Variants in ENO4 observed in about 807,000 individuals in gnomAD.
ENO4 encodes enolase 4, also known as 2-phospho-D-glycerate hydro-lyase.
In ENO4, 53 loss-of-function variants were observed where a neutral mutation model predicts 63.2. The ratio of observed to expected loss-of-function variants is 0.84; its 90% CI spans 0.67 to 1.05. The LOEUF (loss-of-function observed/expected upper bound fraction) is 1.05, where lower values mean the gene tolerates loss of function less well. Ranked by LOEUF, ENO4 falls within the 50% of genes least tolerant of loss-of-function variation. The pLI is 0.00. For synonymous variants in ENO4, 266 were observed against 283.8 expected (o/e 0.94, Z 0.63); for missense variants, 719 against 772.0 (o/e 0.93, Z 0.81).
At chr10:116,905,951 C>T (rs1847952573) in intron 10 of ENO4, among the ~76,000 whole-genome samples, 1 of 152,188 alleles carries the variant, frequency 6.6e-6, no homozygotes, top group African/African-American at 2.4e-5. Flanking sequence ...ACTGTGAGCT[C>T]CAGACTCGCT....
downstream of ENO4, chr10:116,911,960 A>G (rs2133348212): frequency 4.1e-6 from 3 of 728,490 alleles, no homozygotes; most frequent in Non-Finnish European, 7.1e-6. Context: ...ATGACTATAT[A>G]TATTTTTAAA....
intron 10 of ENO4, among the ~76,000 whole-genome samples, chr10:116,896,995 T>G (rs995513269): frequency 6.6e-6 from 1 of 152,028 alleles, no homozygotes; most frequent in Non-Finnish European, 1.5e-5. Context: ...TTAGTAGAGA[T>G]AGGGTTTTGC....
intron 10 of ENO4, among the ~76,000 whole-genome samples, chr10:116,887,750 C>T (rs1466509089): frequency 6.6e-6 from 1 of 152,174 alleles, no homozygotes; most frequent in Non-Finnish European, 1.5e-5. Context: ...GCTTTACTCA[C>T]AATTCTATCC....
chr10:116,885,808 GCTC>G (rs548259186), downstream of ENO4: 351 of 154,274 alleles, frequency 2.3e-3, 1 homozygote, highest in Non-Finnish European at 4.2e-3. Context: ...TTTGATGCCA[GCTC>G]CTGAGTTTTC....
intron 13 of ENO4, among the ~76,000 whole-genome samples, chr10:116,881,009 G>A (rs918264450): frequency 3.3e-5 from 5 of 152,174 alleles, no homozygotes; most frequent in African/African-American, 7.2e-5. Flanking sequence ...ACTGGCCTTG[G>A]TGAATCACTA....
At chr10:116,902,686 T>G (rs1847793762) in intron 10 of ENO4, among the ~76,000 whole-genome samples, 1 of 152,226 alleles carries the variant, frequency 6.6e-6, no homozygotes, top group African/African-American at 2.4e-5. Flanking sequence ...TCTCAAAGCA[T>G]GATTCTAGTA....
chr10:116,897,921 C>T (rs1230800317), intron 10 of ENO4, among the ~76,000 whole-genome samples: 1 of 152,160 alleles, frequency 6.6e-6, no homozygotes, highest in Admixed American at 6.5e-5. Flanking sequence ...CGTCTACAGG[C>T]TTTTATTGAT....
chr10:116,887,203 G>A (rs971921830), downstream of ENO4, among the ~76,000 whole-genome samples: 2 of 152,156 alleles, frequency 1.3e-5, no homozygotes, highest in African/African-American at 4.8e-5. Context: ...GGAGAATCAG[G>A]TTTCTTGAGA....
intron 10 of ENO4, among the ~76,000 whole-genome samples, chr10:116,910,306 C>G (rs1848138750): frequency 1.3e-5 from 2 of 152,178 alleles, no homozygotes; most frequent in Admixed American, 6.5e-5. Context: ...TAGTGATACA[C>G]TAATGCCAGG....
At chr10:116,864,591 G>A (rs1323050757) in intron 7 of ENO4, among the ~76,000 whole-genome samples, 1 of 152,088 alleles carries the variant, frequency 6.6e-6, no homozygotes, top group African/African-American at 2.4e-5. Flanking sequence ...GAATGTTCTT[G>A]TGAAAATTCA....
In ENO4 at chr10:116,879,269, CTG is replaced by C; in HGVS notation, c.1538-21_1538-20del. The stretch of plus-strand genomic sequence containing the variant: ...TCCTAACTTTCTACACCATATAAAA[CTG>C]AAAGAAATTCCTCTTCCAGGTAAGA... On this transcript the variant is annotated intron_variant, in intron 11 of 13. Coordinates refer to ENST00000341276, the MANE Select transcript of ENO4 (RefSeq NM_001242699.2). 6.5e-7 allele frequency: 1 copy of C among 1,535,748 alleles called. No individual in the cohort carries two copies. Among genetic ancestry groups the C allele is most frequent in the Non-Finnish European group, 8.8e-7 (1 of 1,135,836 alleles).
chr10:116,886,618 G>C (rs2531685), downstream of ENO4: 1,134,975 of 1,606,144 alleles, frequency 0.71, 410,744 homozygotes, highest in Non-Finnish European at 0.75. Context: ...AGAGAAAATA[G>C]TTGTCTCTGA....
At chr10:116,856,079 C>T (rs118018008) in intron 2 of ENO4, among the ~76,000 whole-genome samples, 156 of 152,152 alleles carry the variant, frequency 1.0e-3, no homozygotes, top group Middle Eastern at 3.4e-3. Context: ...GTCTATTTAC[C>T]TAGACATTTA....
At chr10:116,862,625 C>T (rs1846445527) in intron 6 of ENO4, among the ~76,000 whole-genome samples, 174 bp from the exon 7 acceptor site, 1 of 152,112 alleles carries the variant, frequency 6.6e-6, no homozygotes, top group African/African-American at 2.4e-5. Context: ...ACATTCAACC[C>T]AATGAAAACT....
chr10:116,899,142 A>G (rs1847629587), intron 10 of ENO4, among the ~76,000 whole-genome samples: 2 of 152,212 alleles, frequency 1.3e-5, no homozygotes, highest in South Asian at 4.1e-4. Flanking sequence ...CCAGTAGACA[A>G]AACAGGAAAA....
At chr10:116,861,256 TAC>T (rs1846407009) in intron 6 of ENO4, 66 bp downstream of exon 6, 1 of 405,232 alleles carries the variant, frequency 2.5e-6, no homozygotes, top group Non-Finnish European at 3.7e-6. Context: ...TATATATATA[TAC>T]TCCGTCATTG....
chr10:116,901,090 T>C, intron 10 of ENO4: 1 of 985,314 alleles, frequency 1.0e-6, no homozygotes, highest in Non-Finnish European at 1.2e-6. Context: ...CACCTCTTCC[T>C]TTTCTTTAAG....
rs181856800 is a variant in ENO4 at position 116,874,010 on chromosome 10, G to A, written c.1216-66G>A. Reference sequence around the variant, plus strand: ...AAATGAACGAAAACGAATCTGAACCGTATCTTTGGGATTTGATGAATTCAT... The same window carrying A: ...AAATGAACGAAAACGAATCTGAACCATATCTTTGGGATTTGATGAATTCAT... On this transcript the variant is annotated intron_variant, in intron 9 of 13. Coordinates refer to ENST00000341276, the MANE Select transcript of ENO4 (RefSeq NM_001242699.2). 1,672 of 1,447,008 alleles carry A rather than the reference G, an allele frequency of 1.2e-3. 35 individuals carry two copies. The South Asian group carries it at 0.019, about 16-fold the overall frequency. The allele number at this position is 1,447,008 out of a possible 1,614,324, so 89.6% of individuals were successfully genotyped here.
At chr10:116,849,892 G>A (rs756747638) in intron 1 of ENO4, 161 bp downstream of exon 1, 6 of 852,504 alleles carry the variant, frequency 7.0e-6, no homozygotes, top group South Asian at 4.4e-5. Context: ...GGGAAGGAGC[G>A]GGAAGGACAC....
Sources: gnomAD v4.1 joint callset for allele counts (sites outside exome capture counted in the v4.1 genomes callset) on GRCh38, gnomAD v4.1.1 for gene constraint, MANE v1.5 for transcripts, NCBI Gene and HGNC (gene_info 2026-07-23, HGNC 2026-07-21) for gene names.